Variants in MAP3K20 observed in about 807,000 individuals in gnomAD.
MAP3K20 encodes mitogen-activated protein kinase kinase kinase 20, also known as HCCS-4.
A neutral mutation model predicts 85.7 loss-of-function variants in MAP3K20; 40 were observed. The ratio of observed to expected loss-of-function variants is 0.47; its 90% confidence interval spans 0.36 to 0.61. The LOEUF is 0.61. Ranked by LOEUF, MAP3K20 falls within the 20% of genes least tolerant of loss-of-function variation. MAP3K20 has a pLI of 0.00. For missense variants in MAP3K20, 817 were observed against 961.7 expected, an observed-to-expected ratio of 0.85 and a Z score of 1.99; for synonymous variants, 325 against 327.7, an observed-to-expected ratio of 0.99 and a Z score of 0.09.
intron 2 of MAP3K20, among the ~76,000 whole-genome samples, chr2:173,144,196 G>T (rs776601948): frequency 3.4e-4 from 51 of 151,894 alleles, no homozygotes; most frequent in Non-Finnish European, 6.8e-4. Context: ...GGGTGTGGTG[G>T]CTCACGCCTG....
At chr2:173,245,476 A>G (rs1036725627) in intron 16 of MAP3K20, among the ~76,000 whole-genome samples, 1 of 152,204 alleles carries the variant, frequency 6.6e-6, no homozygotes, top group African/African-American at 2.4e-5. Flanking sequence ...TGATGCTTAC[A>G]AGAATTCTCC....
At chr2:173,213,533 T>C (rs1345917304) in intron 10 of MAP3K20, among the ~76,000 whole-genome samples, 1 of 152,226 alleles carries the variant, frequency 6.6e-6, no homozygotes, top group Non-Finnish European at 1.5e-5. Flanking sequence ...TGCCTGTACT[T>C]CATTTAGATT....
chr2:173,221,124 T>C (rs1386436954), intron 11 of MAP3K20: 2 of 1,458,084 alleles, frequency 1.4e-6, no homozygotes, highest in Non-Finnish European at 1.8e-6. Flanking sequence ...CTCTTTTTAC[T>C]TCTGTCCTTT....
chr2:173,091,050 T>A lies in MAP3K20; in HGVS notation c.19T>A (p.Ser7Thr). 1 of 1,613,438 alleles carries A rather than the reference T, an allele frequency of 6.2e-7. No homozygotes were observed. The highest frequency in any genetic ancestry group is 1.1e-5 in the South Asian group (1 of 91,022). Reference protein sequence around the residue: MSSLGASFVQIKFDDLQ... With the variant: MSSLGATFVQIKFDDLQ... ...TTATGAGATGTCGTCTCTCGGTGCC[T>A]CCTTTGTGCAAATTAAATTTGATGA... Residue 7 changes from serine to threonine, a missense_variant, in exon 2 of 20, where the codon TCC (serine) becomes ACC (threonine). Transcript: ENST00000375213.
At chr2:173,104,013 A>G (rs1344496693) in intron 2 of MAP3K20, among the ~76,000 whole-genome samples, 2 of 152,234 alleles carry the variant, frequency 1.3e-5, no homozygotes, top group Non-Finnish European at 2.9e-5. Flanking sequence ...CATGTTTTTT[A>G]GAGTTTACCT....
intron 3 of MAP3K20, among the ~76,000 whole-genome samples, chr2:173,182,185 G>A (rs1690351099): frequency 6.6e-6 from 1 of 152,194 alleles, no homozygotes. Flanking sequence ...AGGCACACTG[G>A]TAGAGAGAAA....
At chr2:173,127,642 G>A (rs1157929823) in intron 2 of MAP3K20, among the ~76,000 whole-genome samples, 2 of 151,948 alleles carry the variant, frequency 1.3e-5, no homozygotes, top group African/African-American at 2.4e-5. Flanking sequence ...TAATTCTCAA[G>A]TGAGATGGGT....
At chr2:173,121,267 C>G (rs2106187697) in intron 2 of MAP3K20, among the ~76,000 whole-genome samples, 1 of 152,308 alleles carries the variant, frequency 6.6e-6, no homozygotes, top group East Asian at 1.9e-4. Flanking sequence ...GCTTCATTCC[C>G]TTGCTGTGAA....
chr2:173,232,488 A>G (rs1684545437), intron 14 of MAP3K20, 29 bp downstream of exon 14: 1 of 1,604,042 alleles, frequency 6.2e-7, no homozygotes, highest in Non-Finnish European at 8.5e-7. Context: ...ACATTCCATC[A>G]GCAAACCCTT....
At chr2:173,212,646 T>G (rs1208577986) in intron 10 of MAP3K20, 2 of 151,948 alleles carry the variant, frequency 1.3e-5, no homozygotes, top group Non-Finnish European at 2.9e-5. Flanking sequence ...ATTTAAAAAT[T>G]AGCTGGGCAT....
intron 3 of MAP3K20, among the ~76,000 whole-genome samples, chr2:173,171,956 G>T (rs529871939): frequency 6.6e-6 from 1 of 152,294 alleles, no homozygotes; most frequent in African/African-American, 2.4e-5. Flanking sequence ...TGAATGTATT[G>T]ATTTGATATG....
chr2:173,205,270 G>C (rs1482930619), intron 9 of MAP3K20, among the ~76,000 whole-genome samples: 1 of 151,988 alleles, frequency 6.6e-6, no homozygotes, highest in East Asian at 1.9e-4. Context: ...TTTAAACAGA[G>C]ACTAAAAAGA....
intron 14 of MAP3K20, among the ~76,000 whole-genome samples, chr2:173,235,939 G>A (rs150889508): frequency 4.3e-4 from 66 of 152,194 alleles, no homozygotes; most frequent in African/African-American, 1.6e-3. Context: ...AAAGTCAAAC[G>A]TTGGAAAAGC....
chr2:173,204,434 A>G (rs1683595816), intron 9 of MAP3K20, among the ~76,000 whole-genome samples: 1 of 152,190 alleles, frequency 6.6e-6, no homozygotes, highest in African/African-American at 2.4e-5. Context: ...AGAGCAGACA[A>G]AAGTAGCGCT....
At chr2:173,257,096 C>G (rs1460984536) in intron 16 of MAP3K20, among the ~76,000 whole-genome samples, 2 of 152,076 alleles carry the variant, frequency 1.3e-5, no homozygotes, top group African/African-American at 2.4e-5. Context: ...CTTGGGAGGT[C>G]AAGACTGCAG....
intron 2 of MAP3K20, among the ~76,000 whole-genome samples, chr2:173,168,954 C>T (rs542653575): frequency 2.2e-4 from 34 of 152,140 alleles, no homozygotes; most frequent in African/African-American, 7.2e-4. Context: ...ATATTTAACA[C>T]GTTTCAAAAT....
intron 2 of MAP3K20, among the ~76,000 whole-genome samples, chr2:173,103,839 G>A (rs1221095322): frequency 6.6e-6 from 1 of 152,094 alleles, no homozygotes; most frequent in Non-Finnish European, 1.5e-5. Context: ...ATTTTTCTAG[G>A]TGGGGAGGTG....
chr2:173,169,818 G>GTGA lies in MAP3K20; in HGVS notation c.175_176insATG (p.Ser58_Val59insAsp). 6.2e-7 allele frequency: 1 copy of GTGA among 1,613,580 alleles called. No homozygotes were observed. The highest frequency in any genetic ancestry group is 8.5e-7 in the Non-Finnish European group (1 of 1,179,866). ...TTTTTTGTACAGGCAGAAATACTCAGTGTCCTCAGTCACAGAAACATCATC... is the reference window on the plus strand; with the variant it reads ...TTTTTTGTACAGGCAGAAATACTCAGTGATGTCCTCAGTCACAGAAACATCATC... On this transcript the variant is annotated inframe_insertion, in exon 3 of 20. Transcript: ENST00000375213.
intron 7 of MAP3K20, among the ~76,000 whole-genome samples, chr2:173,197,187 A>G (rs1486650250): frequency 2.0e-5 from 3 of 152,172 alleles, no homozygotes; most frequent in Admixed American, 6.5e-5. Context: ...CCATTTGTAT[A>G]AACAGGGAAA....
Sources: allele counts gnomAD v4.1 joint callset (sites outside exome capture counted in the v4.1 genomes callset), GRCh38; gene constraint gnomAD v4.1.1; transcripts MANE v1.5; gene names NCBI Gene and HGNC (gene_info 2026-07-23, HGNC 2026-07-21).